Variants in HCN1 observed in about 807,000 individuals in gnomAD.
HCN1 encodes the protein hyperpolarization activated cyclic nucleotide gated potassium channel 1, also known as potassium/sodium hyperpolarization-activated cyclic nucleotide-gated channel 1.
A neutral mutation model predicts 78.9 loss-of-function variants in HCN1; 13 were observed. The observed-to-expected ratio is 0.16, with a 90% CI of 0.11 to 0.26. The LOEUF (loss-of-function observed/expected upper bound fraction) is 0.26. Among genes scored for constraint, HCN1 ranks in the 10% least tolerant of loss-of-function variants. HCN1 has a pLI of 1.00. For missense variants in HCN1, 810 were observed against 1,154.3 expected (o/e 0.70, Z 4.32); for synonymous variants, 552 against 455.5 (o/e 1.21, Z -2.70).
chr5:45,581,564 C>T (rs529233329), intron 2 of HCN1, among the ~76,000 whole-genome samples: 43 of 152,230 alleles, frequency 2.8e-4, no homozygotes, highest in Non-Finnish European at 3.8e-4. Flanking sequence ...GTTGCTATTG[C>T]TTTTGGTGTT....
chr5:45,502,294 C>T (rs1742206901), intron 2 of HCN1, among the ~76,000 whole-genome samples: 1 of 151,002 alleles, frequency 6.6e-6, no homozygotes, highest in Non-Finnish European at 1.5e-5. Context: ...ATGGTGAAAC[C>T]CCATCTCTAC....
At chr5:45,307,191 A>T (rs1371574129) in intron 5 of HCN1, among the ~76,000 whole-genome samples, 3 of 152,130 alleles carry the variant, frequency 2.0e-5, no homozygotes, top group Non-Finnish European at 4.4e-5. Flanking sequence ...AATAACCAAG[A>T]TCACATACAA....
intron 2 of HCN1, among the ~76,000 whole-genome samples, chr5:45,569,140 C>A (rs1743775635): frequency 6.6e-6 from 1 of 152,096 alleles, no homozygotes; most frequent in South Asian, 2.1e-4. Flanking sequence ...CAGCTAATGA[C>A]CTTTAGATCA....
chr5:45,439,842 T>G (rs1579895786), intron 3 of HCN1, among the ~76,000 whole-genome samples: 1 of 151,820 alleles, frequency 6.6e-6, no homozygotes, highest in African/African-American at 2.4e-5. Flanking sequence ...TGAAGGAGAC[T>G]GGCAGGAAGG....
intron 5 of HCN1, among the ~76,000 whole-genome samples, chr5:45,316,893 C>G (rs1579805555): frequency 1.3e-5 from 2 of 152,202 alleles, no homozygotes; most frequent in East Asian, 3.9e-4. Flanking sequence ...AATTAAAAAC[C>G]ACTGCTCAAC....
At chr5:45,365,905 C>T (rs1486886670) in intron 4 of HCN1, among the ~76,000 whole-genome samples, 2 of 151,750 alleles carry the variant, frequency 1.3e-5, no homozygotes, top group Non-Finnish European at 2.9e-5. Context: ...TTGAAGGATC[C>T]ATAACTTAGT....
intron 2 of HCN1, among the ~76,000 whole-genome samples, chr5:45,533,362 C>G (rs116567257): frequency 0.094 from 14,359 of 152,158 alleles, 929 homozygotes; most frequent in Middle Eastern, 0.17. Flanking sequence ...TTTCTCTCTC[C>G]TCTGAGTTTA....
intron 3 of HCN1, among the ~76,000 whole-genome samples, chr5:45,436,635 C>T (rs1444384734): frequency 6.6e-6 from 1 of 152,164 alleles, no homozygotes; most frequent in Non-Finnish European, 1.5e-5. Flanking sequence ...ATGTTTTCTA[C>T]TGAATAATTA....
intron 5 of HCN1, among the ~76,000 whole-genome samples, chr5:45,321,354 T>C (rs1407993649): frequency 6.6e-6 from 1 of 151,796 alleles, no homozygotes; most frequent in African/African-American, 2.4e-5. Flanking sequence ...TTCTTCAACA[T>C]ATGCAGAAGA....
intron 3 of HCN1, among the ~76,000 whole-genome samples, chr5:45,411,595 A>T (rs1008225117): frequency 1.3e-5 from 2 of 152,050 alleles, no homozygotes; most frequent in African/African-American, 4.8e-5. Context: ...CACAGAGAAG[A>T]AAATGAAGGT....
intron 1 of HCN1, among the ~76,000 whole-genome samples, chr5:45,648,790 T>C (rs1014178965): frequency 3.3e-5 from 5 of 151,866 alleles, no homozygotes; most frequent in Non-Finnish European, 7.4e-5. Flanking sequence ...CCTCCTTCCA[T>C]TCTTATTTCT....
At chr5:45,430,063 A>G (rs1355426599) in intron 3 of HCN1, among the ~76,000 whole-genome samples, 5 of 152,188 alleles carry the variant, frequency 3.3e-5, no homozygotes, top group Non-Finnish European at 5.9e-5. Flanking sequence ...TACAAACACA[A>G]AACAAAAATC....
intron 2 of HCN1, among the ~76,000 whole-genome samples, chr5:45,503,783 C>T (rs537562502): frequency 8.2e-4 from 123 of 149,852 alleles, no homozygotes; most frequent in African/African-American, 2.9e-3. Flanking sequence ...CAAATTCCCT[C>T]CACCCCCTTA....
intron 1 of HCN1, among the ~76,000 whole-genome samples, chr5:45,678,339 C>T (rs1371991696): frequency 6.6e-6 from 1 of 151,860 alleles, no homozygotes; most frequent in Non-Finnish European, 1.5e-5. Context: ...TTCTCAGTTG[C>T]CTTTTCTTTA....
At chr5:45,373,071 G>C (rs1315474596) in intron 4 of HCN1, among the ~76,000 whole-genome samples, 1 of 128,180 alleles carries the variant, frequency 7.8e-6, no homozygotes, top group Non-Finnish European at 1.6e-5. Flanking sequence ...AATATATGTA[G>C]TATATAATAT....
rs1247346041 is a variant in HCN1, at chr5:45,696,196, C to G, written c.-103G>C. On this transcript the variant is annotated 5_prime_UTR_variant, in exon 1 of 8. Transcript: ENST00000303230. ...GGTAGGGGCCCGAGCCGGCTGCCGG[C>G]GAGCCCAGCTGCCCGTCGCGGCGGC... 6 of 593,542 alleles carry G rather than the reference C, an allele frequency of 1.0e-5. No individual in the cohort carries two copies. Among genetic ancestry groups the G allele is most frequent in the South Asian group, 7.2e-5 (1 of 13,906 alleles). 36.8% of individuals were successfully genotyped at this position (593,542 alleles called of 1,614,324 possible). A position where few individuals can be genotyped will look rare whatever the true frequency, so the allele number is the denominator to read the frequency against.
intron 6 of HCN1, among the ~76,000 whole-genome samples, chr5:45,269,915 C>T (rs1229346739): frequency 2.0e-5 from 3 of 152,164 alleles, no homozygotes; most frequent in African/African-American, 7.2e-5. Context: ...TTCCATGTTC[C>T]CTCTACTTTC....
chr5:45,579,438 C>T (rs1466945101), intron 2 of HCN1, among the ~76,000 whole-genome samples: 1 of 152,032 alleles, frequency 6.6e-6, no homozygotes, highest in Non-Finnish European at 1.5e-5. Context: ...GTAAATGAAC[C>T]TCTTCTCCTT....
intron 4 of HCN1, among the ~76,000 whole-genome samples, chr5:45,396,194 G>A (rs575268463): frequency 1.3e-5 from 2 of 152,218 alleles, no homozygotes; most frequent in South Asian, 2.1e-4. Context: ...GATAGAAAAT[G>A]AGCCATGATA....
Sources: allele counts gnomAD v4.1 joint callset (sites outside exome capture counted in the v4.1 genomes callset), GRCh38; gene constraint gnomAD v4.1.1; transcripts MANE v1.5; gene names NCBI Gene and HGNC (gene_info 2026-07-23, HGNC 2026-07-21).